PGM1: variants seen among roughly 807,000 people sequenced by gnomAD.
The protein encoded by PGM1 is phosphoglucomutase-1.
A neutral mutation model predicts 55.6 loss-of-function variants in PGM1; 52 were observed. The ratio of observed to expected loss-of-function variants is 0.94; its 90% CI spans 0.75 to 1.18. The LOEUF is 1.18. Among genes scored for constraint, PGM1 ranks in the 50% most tolerant of loss-of-function variants. The pLI, the probability that PGM1 is intolerant of heterozygous loss-of-function variation, is 0.00. For synonymous variants in PGM1, 287 were observed against 271.7 expected (o/e 1.06, Z -0.55); for missense variants, 724 against 729.3 (o/e 0.99, Z 0.08).
In PGM1 at chr1:63,593,751, C is replaced by A. The variant is rs775908795; in HGVS notation, c.246+17C>A. 1 of 1,580,056 alleles carries A rather than the reference C, an allele frequency of 6.3e-7. No homozygotes were observed. The highest frequency in any genetic ancestry group is 1.1e-5 in the South Asian group (1 of 87,790). ...GCCAACGGGGTAAGGGATGCGCGGC[C>A]CCGCGCCGCTGTGCACCCTGGCGCG... On this transcript the variant is annotated intron_variant, in intron 1 of 10. Coordinates refer to ENST00000371084, the MANE Select transcript of PGM1 (RefSeq NM_002633.3).
intron 1 of PGM1, among the ~76,000 whole-genome samples, chr1:63,596,471 G>A (rs1403129478): frequency 6.6e-6 from 1 of 151,736 alleles, no homozygotes; most frequent in Non-Finnish European, 1.5e-5. Flanking sequence ...TGGCCAGGCT[G>A]GTCTCGAACT....
intron 10 of PGM1, among the ~76,000 whole-genome samples, chr1:63,656,905 A>G (rs887698512): frequency 6.6e-6 from 1 of 152,168 alleles, no homozygotes; most frequent in Non-Finnish European, 1.5e-5. Flanking sequence ...TAGAGATGGA[A>G]TGTACAACAT....
At chr1:63,637,586 A>G (rs1028615215) in intron 6 of PGM1, among the ~76,000 whole-genome samples, 3 of 152,242 alleles carry the variant, frequency 2.0e-5, no homozygotes, top group African/African-American at 7.2e-5. Context: ...ATGGAAAGTC[A>G]GGGAAGTTAG....
chr1:63,602,899 G>A (rs1254938005), intron 1 of PGM1, among the ~76,000 whole-genome samples: 1 of 152,174 alleles, frequency 6.6e-6, no homozygotes, highest in African/African-American at 2.4e-5. Flanking sequence ...ACAAGGTGCT[G>A]TCAGCACTGG....
In PGM1 at chr1:63,651,735, G is replaced by A. The variant is rs1429780522; in HGVS notation, c.1347G>A (p.Met449Ile). 6.2e-7 allele frequency: 1 copy of A among 1,613,846 alleles called. No homozygotes were observed. The highest frequency in any genetic ancestry group is 1.7e-5 in the Admixed American group (1 of 60,016). The change falls in exon 9 of 11, where the codon ATG becomes ATA. Residue 449 changes from methionine to isoleucine, a missense_variant. Physicochemically the swap from Met to Ile is conservative, Grantham distance 10. Around this residue, in one of 3 missense-constraint regions of PGM1, gnomAD observed 316 missense variants for 313.1 expected, o/e 1.01. Transcript: ENST00000371084. ...NKMMKDLEALMFDRSFVGKQF... is the reference protein window; with the variant it reads ...NKMMKDLEALIFDRSFVGKQF... Reference sequence around the variant, plus strand: ...TGATGAAGGACTTGGAGGCCCTGATGTTTGATCGCTCCTTTGTGGGGAAGC... The same window carrying A: ...TGATGAAGGACTTGGAGGCCCTGATATTTGATCGCTCCTTTGTGGGGAAGC...
chr1:63,657,716 A>G (rs1387425716), intron 10 of PGM1, among the ~76,000 whole-genome samples: 1 of 152,148 alleles, frequency 6.6e-6, no homozygotes, highest in Admixed American at 6.5e-5. Context: ...TCACATGAGT[A>G]GTATAGTTGC....
intron 1 of PGM1, among the ~76,000 whole-genome samples, chr1:63,627,199 A>G (rs776402418): frequency 1.2e-4 from 18 of 151,984 alleles, no homozygotes; most frequent in Admixed American, 2.6e-4. Flanking sequence ...TACTGCTGTG[A>G]AATTTGGTGC....
intron 1 of PGM1, among the ~76,000 whole-genome samples, chr1:63,621,192 C>T (rs920472850): frequency 2.6e-5 from 4 of 151,846 alleles, no homozygotes; most frequent in African/African-American, 9.7e-5. Context: ...TGACAAACAC[C>T]ATGCCTGGCA....
chr1:63,651,614 G>T lies in PGM1; in HGVS notation c.1281-55G>T, dbSNP rs185880979. ...TGATGAAGAAAGTGCTGACTGATAG[G>T]CCTTGGTGTGATCTGCAGTCAGCCC... On this transcript the variant is annotated intron_variant, in intron 8 of 10. Coordinates refer to ENST00000371084, the MANE Select transcript of PGM1 (RefSeq NM_002633.3). 4.0e-6 allele frequency: 6 copies of T among 1,500,888 alleles called. No individual in the cohort carries two copies. The Admixed American group carries it at 6.8e-5, about 17-fold the overall frequency. 93.0% of individuals were successfully genotyped at this position (1,500,888 alleles called of 1,614,324 possible).
intron 1 of PGM1, among the ~76,000 whole-genome samples, chr1:63,607,689 A>T (rs1034206968): frequency 3.3e-5 from 5 of 152,120 alleles, no homozygotes; most frequent in Non-Finnish European, 5.9e-5. Context: ...AACATATTTG[A>T]ACTTATATAT....
chr1:63,630,628 T>C (rs1179339838), intron 3 of PGM1, among the ~76,000 whole-genome samples: 2 of 152,174 alleles, frequency 1.3e-5, no homozygotes, highest in Non-Finnish European at 2.9e-5. Flanking sequence ...TTCAGTAAAA[T>C]CAATCAGACT....
intron 1 of PGM1, among the ~76,000 whole-genome samples, chr1:63,613,703 CTTTT>C (rs56355869): frequency 6.6e-5 from 8 of 121,564 alleles, no homozygotes; most frequent in Non-Finnish European, 5.0e-5. Context: ...TTCAATGTAT[CTTTT>C]TTTTTTTTTT....
chr1:63,641,858 T>C (rs538991640), intron 7 of PGM1, among the ~76,000 whole-genome samples: 5 of 152,358 alleles, frequency 3.3e-5, no homozygotes, highest in South Asian at 2.1e-4. Flanking sequence ...TAAACGCTTG[T>C]TGAATGAGTT....
chr1:63,609,640 CT>C (rs1648515111), intron 1 of PGM1, among the ~76,000 whole-genome samples: 1 of 152,124 alleles, frequency 6.6e-6, no homozygotes, highest in Non-Finnish European at 1.5e-5. Context: ...GGATTTTGAT[CT>C]TTTCTCAGGC....
chr1:63,641,697 A>G (rs2100993186), intron 7 of PGM1, among the ~76,000 whole-genome samples: 1 of 152,164 alleles, frequency 6.6e-6, no homozygotes, highest in South Asian at 2.1e-4. Context: ...TCTTTGTTGT[A>G]CTTGTTGCAG....
chr1:63,651,787 A>G lies in PGM1; in HGVS notation c.1399A>G (p.Thr467Ala). 1 of 1,614,018 alleles carries G rather than the reference A, an allele frequency of 6.2e-7. No individual in the cohort carries two copies. Among genetic ancestry groups the G allele is most frequent in the Non-Finnish European group, 8.5e-7 (1 of 1,179,930 alleles). ...KQFSANDKVY[T>A]VEKADNFEYS... ...GTTCTCAGCAAATGACAAAGTTTAC[A>G]CTGTGGAGAAGGCCGATAACTTTGA... The change falls in exon 9 of 11, where the codon ACT (threonine) becomes GCT (alanine). Residue 467 changes from threonine (T) to alanine (A), a missense_variant. By Grantham distance (58) the Thr-to-Ala change is moderately conservative. Around this residue, in one of 3 missense-constraint regions of PGM1, gnomAD observed 316 missense variants for 313.1 expected, o/e 1.01. Coordinates refer to ENST00000371084, the MANE Select transcript of PGM1 (RefSeq NM_002633.3).
intron 1 of PGM1, among the ~76,000 whole-genome samples, chr1:63,620,357 A>G (rs1280792047): frequency 2.0e-5 from 3 of 152,200 alleles, no homozygotes; most frequent in Admixed American, 2.0e-4. Context: ...ACCTGCAGCC[A>G]TCACAAGCAT....
chr1:63,619,915 G>A (rs567519217), intron 1 of PGM1, among the ~76,000 whole-genome samples: 1 of 152,278 alleles, frequency 6.6e-6, no homozygotes, highest in East Asian at 1.9e-4. Flanking sequence ...AGTTCATAAA[G>A]GCTTTCCTAG....
chr1:63,633,910 GTGTGTGTGTA>G (rs1171021545), intron 4 of PGM1, among the ~76,000 whole-genome samples: 2 of 33,880 alleles, frequency 5.9e-5, no homozygotes, highest in Non-Finnish European at 9.4e-5. Context: ...GTGTGTGTGT[GTGTGTGTGTA>G]TATATATATA....
Sources: allele counts gnomAD v4.1 joint callset (sites outside exome capture counted in the v4.1 genomes callset), GRCh38; gene constraint gnomAD v4.1.1; regional missense constraint gnomAD v4.1.1; transcripts MANE v1.5; gene names NCBI Gene and HGNC (gene_info 2026-07-23, HGNC 2026-07-21).